The following ANKRD30BL variants were observed in gnomAD, a reference collection of about 807,000 sequenced individuals.
The protein encoded by ANKRD30BL is putative ankyrin repeat domain-containing protein 30B-like.
A neutral mutation model predicts 18.4 loss-of-function variants in ANKRD30BL; 20 were observed. The ratio of observed to expected loss-of-function variants is 1.09; its 90% CI spans 0.77 to 1.58. ANKRD30BL has a LOEUF of 1.58. ANKRD30BL is among the 40% of genes most tolerant of loss of function. ANKRD30BL has a pLI of 0.00. For missense variants in ANKRD30BL, 224 were observed against 268.6 expected, an observed-to-expected ratio of 0.83 and a Z score of 1.16; for synonymous variants, 72 against 100.9, an observed-to-expected ratio of 0.71 and a Z score of 1.72.
At chr2:132,237,997 T>C (rs968904585) in intron 1 of ANKRD30BL, among the ~76,000 whole-genome samples, 1 of 151,932 alleles carries the variant, frequency 6.6e-6, no homozygotes, top group Non-Finnish European at 1.5e-5. Flanking sequence ...CTCAGAAACC[T>C]CTTTGTGCTG....
In ANKRD30BL at chr2:132,193,176, C is replaced by T. The variant is rs549369946; in HGVS notation, n.442-36030G>A. 4.6e-5 allele frequency among the ~76,000 whole-genome samples: 7 copies of T among 152,304 alleles called. No homozygotes were observed. In the East Asian group the frequency reaches 1.4e-3, roughly 29 times the overall value. ...GAGATTGGCTTTCCCACAACAAGCACAACAGTCACACATATGCAGTCACTC... is the reference window on the plus strand; with the variant it reads ...GAGATTGGCTTTCCCACAACAAGCATAACAGTCACACATATGCAGTCACTC... On this transcript the variant is annotated intron_variant and non_coding_transcript_variant, in intron 1 of 4. Transcript: ENST00000470729.
chr2:132,204,560 A>T (rs1485667499), intron 1 of ANKRD30BL, among the ~76,000 whole-genome samples: 2 of 151,834 alleles, frequency 1.3e-5, no homozygotes, highest in Non-Finnish European at 2.9e-5. Flanking sequence ...GTTAGAAGAA[A>T]AAGTCAGAAA....
At chr2:132,173,652 A>G (rs577162919) in intron 1 of ANKRD30BL, among the ~76,000 whole-genome samples, 3 of 152,132 alleles carry the variant, frequency 2.0e-5, no homozygotes, top group East Asian at 3.9e-4. Flanking sequence ...GGGGAAAAAA[A>G]TCTGTAATTA....
intron 1 of ANKRD30BL, among the ~76,000 whole-genome samples, chr2:132,204,143 A>G (rs1207030202): frequency 6.6e-6 from 1 of 151,996 alleles, no homozygotes; most frequent in African/African-American, 2.4e-5. Flanking sequence ...GAATGAAGAT[A>G]GACAGAAAAC....
intron 1 of ANKRD30BL, among the ~76,000 whole-genome samples, chr2:132,182,834 A>G (rs1384570708): frequency 2.6e-5 from 4 of 152,202 alleles, no homozygotes; most frequent in Admixed American, 6.5e-5. Context: ...AAGGTACCAC[A>G]TTTATTCATT....
intron 1 of ANKRD30BL, among the ~76,000 whole-genome samples, chr2:132,168,485 G>C (rs1007331744): frequency 6.6e-6 from 1 of 152,148 alleles, no homozygotes; most frequent in African/African-American, 2.4e-5. Context: ...ATAATGCTAA[G>C]TAAAATAAGC....
chr2:132,152,077 C>T (rs1330003423), intron 4 of ANKRD30BL: 1 of 152,196 alleles, frequency 6.6e-6, no homozygotes, highest in Non-Finnish European at 1.5e-5. Context: ...ATATTGCACA[C>T]AAGATCCTAT....
At chr2:132,188,643 G>C (rs1040992852) in intron 1 of ANKRD30BL, among the ~76,000 whole-genome samples, 32 of 152,248 alleles carry the variant, frequency 2.1e-4, no homozygotes, top group Non-Finnish European at 3.8e-4. Context: ...CCGGGAGGTG[G>C]AGCTTGTAGT....
At chr2:132,180,873 C>T (rs1392485651) in intron 1 of ANKRD30BL, among the ~76,000 whole-genome samples, 1 of 152,066 alleles carries the variant, frequency 6.6e-6, no homozygotes, top group African/African-American at 2.4e-5. Flanking sequence ...ATAGTCCAGG[C>T]GAGGTGGCTT....
chr2:132,201,152 T>G (rs13423053), intron 1 of ANKRD30BL, among the ~76,000 whole-genome samples: 26,116 of 151,658 alleles, frequency 0.17, 5,008 homozygotes, highest in African/African-American at 0.48. Context: ...ATTCAAGATG[T>G]ATTAAAGACT....
chr2:132,220,894 C>T (rs182067592), intron 1 of ANKRD30BL, among the ~76,000 whole-genome samples: 261 of 151,350 alleles, frequency 1.7e-3, no homozygotes, highest in African/African-American at 5.6e-3. Context: ...TCTGCCCGGC[C>T]GCCATCCCAT....
chr2:132,222,315 AT>A (rs1451658902), intron 1 of ANKRD30BL, among the ~76,000 whole-genome samples: 2 of 152,060 alleles, frequency 1.3e-5, no homozygotes, highest in African/African-American at 2.4e-5. Context: ...CTGCCCGGCC[AT>A]GACCCCGTCT....
chr2:132,221,561 C>G (rs376136147), intron 1 of ANKRD30BL, among the ~76,000 whole-genome samples: 15 of 126,362 alleles, frequency 1.2e-4, no homozygotes, highest in Non-Finnish European at 2.1e-4. Flanking sequence ...GTCAGCCCCC[C>G]GCCCGGCCAG....
chr2:132,157,063 G>C lies in ANKRD30BL; in HGVS notation c.417C>G (p.Asn139Lys), dbSNP rs1471215995. 1.4e-6 allele frequency: 2 copies of C among 1,402,582 alleles called. No homozygotes were observed. Among genetic ancestry groups the C allele is most frequent in the Non-Finnish European group, 2.0e-6 (2 of 1,017,078 alleles). The allele number at this position is 1,402,582 out of a possible 1,614,324, so 86.9% of individuals were successfully genotyped here. A position where few individuals can be genotyped will look rare whatever the true frequency, so the allele number is the denominator to read the frequency against. The change falls in exon 3 of 6, where the codon AAC becomes AAG. Residue 139 changes from asparagine (N) to lysine (K), a missense_variant. By Grantham distance (94) the Asn-to-Lys change is moderately conservative. Transcript: ENST00000409867. ...TGTTAACAGCATAATGGACAGCTGTGTTGCCATACACATCTACAATATTTG... is the reference window on the plus strand; with the variant it reads ...TGTTAACAGCATAATGGACAGCTGTCTTGCCATACACATCTACAATATTTG... ...ADPNIVDVYG[N>K]TAVHYAVNSE...
In ANKRD30BL at chr2:132,161,334, C is replaced by T. The variant is rs368084551; in HGVS notation, c.218+154G>A. 1.9e-4 allele frequency among the ~76,000 whole-genome samples: 29 copies of T among 152,238 alleles called. No homozygotes were observed. The East Asian group carries it at 4.5e-3, about 24-fold the overall frequency. On this transcript the variant is annotated intron_variant, in intron 1 of 5. Transcript: ENST00000409867. ...CTGGGGGACCTGCCCGGGAAGAAGG[C>T]CAAGACCTCGGGGCCCAGGACGGCC...
chr2:132,164,269 CTTTTTTTT>C (rs796313755), upstream of ANKRD30BL, among the ~76,000 whole-genome samples: 13 of 112,208 alleles, frequency 1.2e-4, no homozygotes, highest in Admixed American at 8.0e-4. Context: ...TTTTCTTTTT[CTTTTTTTT>C]TTTTTTTTTT....
intron 1 of ANKRD30BL, among the ~76,000 whole-genome samples, chr2:132,217,993 T>G (rs1285316081): frequency 2.0e-5 from 3 of 151,600 alleles, no homozygotes; most frequent in African/African-American, 7.3e-5. Flanking sequence ...TTTTTTATGA[T>G]GTGTGCATTC....
intron 1 of ANKRD30BL, among the ~76,000 whole-genome samples, chr2:132,195,568 A>G (rs1321742664): frequency 6.6e-6 from 1 of 151,780 alleles, no homozygotes; most frequent in East Asian, 1.9e-4. Flanking sequence ...AGATGGGTAA[A>G]TCATCTGAGG....
Position 132,161,946 on chromosome 2 carries a change from A to C in ANKRD30BL, c.-241T>G. 1 of 495,166 alleles carries C rather than the reference A, an allele frequency of 2.0e-6. No individual in the cohort carries two copies. Among genetic ancestry groups the C allele is most frequent in the South Asian group, 2.4e-5 (1 of 41,132 alleles). 30.7% of individuals were successfully genotyped at this position (495,166 alleles called of 1,614,324 possible). A position where few individuals can be genotyped will look rare whatever the true frequency, so the allele number is the denominator to read the frequency against. The stretch of plus-strand genomic sequence containing the variant: ...CAGAACCTTTAGGCAGCTGAGCAGA[A>C]CCGTTAGGCAACAGCGCATGCGCAA... On this transcript the variant is annotated 5_prime_UTR_variant, in exon 1 of 6. Coordinates refer to ENST00000409867, the MANE Select transcript of ANKRD30BL (RefSeq NM_001358416.1).
Sources: gnomAD v4.1 joint callset for allele counts (sites outside exome capture counted in the v4.1 genomes callset) on GRCh38, gnomAD v4.1.1 for gene constraint, MANE v1.5 for transcripts, NCBI Gene and HGNC (gene_info 2026-07-23, HGNC 2026-07-21) for gene names.